MTHFD1: variants seen among roughly 807,000 people sequenced by gnomAD.
The protein encoded by MTHFD1 is methylenetetrahydrofolate dehydrogenase, cyclohydrolase and formyltetrahydrofolate synthetase 1.
Under a neutral mutation model 110.3 loss-of-function variants are expected in MTHFD1, and 44 were observed. That is an observed-to-expected ratio of 0.40 (90% CI 0.31 to 0.51). The LOEUF is 0.51. Ranked by LOEUF, MTHFD1 falls within the 20% of genes least tolerant of loss-of-function variation. The probability of loss-of-function intolerance (pLI) is 0.60; values close to 1 mark genes in which losing one functional copy is unlikely to be tolerated. For synonymous variants in MTHFD1, 402 were observed against 428.8 expected (o/e 0.94, Z 0.77); for missense variants, 909 against 1,173.1 (o/e 0.77, Z 3.29).
At chr14:64,437,339 T>C (rs918474708) in intron 16 of MTHFD1, among the ~76,000 whole-genome samples, 6 of 152,212 alleles carry the variant, frequency 3.9e-5, no homozygotes, top group African/African-American at 7.2e-5. Flanking sequence ...AATGATGTTA[T>C]TAGTAGGAAT....
At chr14:64,436,456 A>T (rs1184717617) in intron 16 of MTHFD1, among the ~76,000 whole-genome samples, 1 of 152,158 alleles carries the variant, frequency 6.6e-6, no homozygotes, top group African/African-American at 2.4e-5. Flanking sequence ...GTAGCCTTCA[A>T]GGTTTAAATA....
At chr14:64,449,871 C>A (rs1181851226) in intron 24 of MTHFD1, among the ~76,000 whole-genome samples, 1 of 152,234 alleles carries the variant, frequency 6.6e-6, no homozygotes, top group Non-Finnish European at 1.5e-5. Context: ...TCACTGCAAC[C>A]TCTGCCTCCT....
intron 2 of MTHFD1, among the ~76,000 whole-genome samples, chr14:64,401,630 G>A (rs1792055450): frequency 6.6e-6 from 1 of 150,798 alleles, no homozygotes. Flanking sequence ...TTGAACCCGG[G>A]AGGTGGAGGT....
intron 23 of MTHFD1, among the ~76,000 whole-genome samples, chr14:64,448,892 C>T (rs1224318069): frequency 3.9e-5 from 6 of 151,936 alleles, no homozygotes; most frequent in Admixed American, 1.3e-4. Context: ...CTCTGCCTCC[C>T]GGGTTCATGC....
At chr14:64,401,767 A>G (rs1010642090) in intron 2 of MTHFD1, among the ~76,000 whole-genome samples, 1 of 152,228 alleles carries the variant, frequency 6.6e-6, no homozygotes. Flanking sequence ...GCCAATAGTG[A>G]GCTCATTTAT....
chr14:64,420,003 A>G lies in MTHFD1; in HGVS notation c.727+78A>G, dbSNP rs2078056137. The G allele has an allele frequency of 4.9e-6, 5 of 1,010,474 alleles. No individual in the cohort carries two copies. The South Asian group carries it at 6.7e-5, about 13-fold the overall frequency. The allele number at this position is 1,010,474 out of a possible 1,614,324, so 62.6% of individuals were successfully genotyped here. A position where few individuals can be genotyped will look rare whatever the true frequency, so the allele number is the denominator to read the frequency against. On this transcript the variant is annotated intron_variant, in intron 8 of 27. Coordinates refer to ENST00000652337, the MANE Select transcript of MTHFD1 (RefSeq NM_005956.4). ...GGTCATCAAAAGAAGCCTGAGAGAG[A>G]AGCTTGTCTCATTTTATGCTTGTAG... is the stretch of plus-strand genomic sequence containing the variant.
Position 64,439,105 on chromosome 14 carries a change from C to T in MTHFD1, c.1607C>T (p.Thr536Ile). Residue 536 changes from threonine to isoleucine, a missense_variant, in exon 17 of 28, where the codon ACC becomes ATC. This residue lies in a region of MTHFD1 where 482 missense variants were observed against 646.0 expected (regional missense o/e 0.75). Transcript: ENST00000652337. The part of the protein sequence containing the change: ...ETITWQRVLD[T>I]NDRFLRKITI... Reference sequence around the variant, plus strand: ...TGCCTGTCTGCTGTAGTGTTGGATACCAATGATAGATTCCTGAGGAAGATC... The same window carrying T: ...TGCCTGTCTGCTGTAGTGTTGGATATCAATGATAGATTCCTGAGGAAGATC... 6.2e-7 allele frequency: 1 copy of T among 1,613,454 alleles called. No homozygotes were observed. The highest frequency in any genetic ancestry group is 8.5e-7 in the Non-Finnish European group (1 of 1,179,396).
At position 64,439,980 on chromosome 14, in the gene MTHFD1, T is replaced by G. The variant is rs146934623; in HGVS notation, c.1675-146T>G. On this transcript the variant is annotated intron_variant, in intron 17 of 27. Transcript: ENST00000652337. ...TTTTTTTGCTATTAGAGGATTATTT[T>G]CATTAAGTATTTTGGGTAGTATTCT... 1,396 of 576,636 alleles carry G rather than the reference T, an allele frequency of 2.4e-3. 4 individuals carry two copies. Among genetic ancestry groups the G allele is most frequent in the Non-Finnish European group, 3.5e-3 (1,203 of 339,968 alleles). 35.7% of individuals were successfully genotyped at this position (576,636 alleles called of 1,614,324 possible). A position where few individuals can be genotyped will look rare whatever the true frequency, so the allele number is the denominator to read the frequency against.
intron 16 of MTHFD1, among the ~76,000 whole-genome samples, chr14:64,436,651 T>G (rs1252153525): frequency 6.6e-6 from 1 of 152,186 alleles, no homozygotes; most frequent in Non-Finnish European, 1.5e-5. Flanking sequence ...ATTGACTGTT[T>G]TTGTGATTTT....
chr14:64,427,881 A>T (rs1596545374), intron 12 of MTHFD1, among the ~76,000 whole-genome samples: 2 of 152,248 alleles, frequency 1.3e-5, no homozygotes, highest in East Asian at 3.9e-4. Flanking sequence ...TTTGTGCCAG[A>T]TATTGTGCTG....
Position 64,424,900 on chromosome 14 carries a change from T to C in MTHFD1, c.824T>C (p.Val275Ala). 1 of 1,614,176 alleles carries C rather than the reference T, an allele frequency of 6.2e-7. No individual in the cohort carries two copies. Among genetic ancestry groups the C allele is most frequent in the Non-Finnish European group, 8.5e-7 (1 of 1,180,020 alleles). The change falls in exon 9 of 28, where the codon GTA becomes GCA. Residue 275 changes from valine to alanine, a missense_variant. Transcript: ENST00000652337. ...ASFITPVPGG[V>A]GPMTVAMLMQ... ...TTCATCACTCCTGTTCCTGGCGGCGTAGGGCCCATGACAGTTGCAATGCTC... is the reference window on the plus strand; with the variant it reads ...TTCATCACTCCTGTTCCTGGCGGCGCAGGGCCCATGACAGTTGCAATGCTC...
chr14:64,423,981 C>T (rs989496400), intron 8 of MTHFD1, among the ~76,000 whole-genome samples: 6 of 152,172 alleles, frequency 3.9e-5, no homozygotes, highest in Non-Finnish European at 7.3e-5. Flanking sequence ...CCCGCCTCGG[C>T]CTCCCAAAGT....
chr14:64,410,681 G>A (rs1408024778), intron 2 of MTHFD1, among the ~76,000 whole-genome samples: 1 of 152,152 alleles, frequency 6.6e-6, no homozygotes, highest in Non-Finnish European at 1.5e-5. Context: ...AGAGGGTGTG[G>A]AATGTGCCCT....
chr14:64,403,398 T>C (rs2077914071), intron 2 of MTHFD1, among the ~76,000 whole-genome samples: 2 of 151,686 alleles, frequency 1.3e-5, no homozygotes. Flanking sequence ...CCTCAGCCTC[T>C]GGAGTAGCTG....
chr14:64,454,577 C>A, intron 25 of MTHFD1, 146 bp from the exon 26 acceptor site: 1 of 670,004 alleles, frequency 1.5e-6, no homozygotes. Flanking sequence ...AATAAATAAG[C>A]TGGAGGACAG....
rs1042552042 is a variant in MTHFD1, at chr14:64,434,412, T to G, written c.1495-1157T>G. On this transcript the variant is annotated intron_variant, in intron 15 of 27. Transcript: ENST00000652337. ...CAAAAAAATTTAAAAACGAGCCAGG[T>G]GTGGTGGCATGCACCTGTAGTTATA... Among the ~76,000 whole-genome samples the G allele has an allele frequency of 2.0e-5, 3 of 152,072 alleles. No homozygotes were observed. The East Asian group carries it at 5.8e-4, about 29-fold the overall frequency.
At chr14:64,402,997 TTTACTG>T (rs1308575873) in intron 2 of MTHFD1, among the ~76,000 whole-genome samples, 1 of 152,072 alleles carries the variant, frequency 6.6e-6, no homozygotes, top group African/African-American at 2.4e-5. Context: ...GGGACAGAGT[TTTACTG>T]TTACTCAGTG....
intron 6 of MTHFD1, 70 bp downstream of exon 6, chr14:64,415,809 A>G: frequency 6.8e-7 from 1 of 1,463,158 alleles, no homozygotes; most frequent in African/African-American, 1.4e-5. Flanking sequence ...GTGGTGGCAT[A>G]GAGGAGGTAC....
At chr14:64,407,278 A>C (rs7145462) in intron 2 of MTHFD1, among the ~76,000 whole-genome samples, 141,125 of 151,994 alleles carry the variant, frequency 0.93, 65,781 homozygotes, top group Middle Eastern at 0.99. Flanking sequence ...CCAGCCTGGG[A>C]AATATAGAGA....
Sources: gnomAD v4.1 joint callset for allele counts (sites outside exome capture counted in the v4.1 genomes callset) on GRCh38, gnomAD v4.1.1 for gene constraint, gnomAD v4.1.1 regional missense constraint, MANE v1.5 for transcripts, NCBI Gene and HGNC (gene_info 2026-07-23, HGNC 2026-07-21) for gene names.